The following TRPC7 variants were observed in gnomAD, a reference collection of about 807,000 sequenced individuals.
TRPC7 encodes short transient receptor potential channel 7.
A neutral mutation model predicts 90.1 loss-of-function variants in TRPC7; 42 were observed. That is an observed-to-expected ratio of 0.47 (90% confidence interval 0.36 to 0.60). The LOEUF (loss-of-function observed/expected upper bound fraction) is 0.60, where lower values mean the gene tolerates loss of function less well. Ranked by LOEUF, TRPC7 falls within the 20% of genes least tolerant of loss-of-function variation. The pLI, the probability that TRPC7 is intolerant of heterozygous loss-of-function variation, is 0.00. For synonymous variants in TRPC7, 451 were observed against 436.3 expected, an observed-to-expected ratio of 1.03 and a Z score of -0.42; for missense variants, 955 against 1,112.3, an observed-to-expected ratio of 0.86 and a Z score of 2.01.
chr5:136,318,526 G>T (rs997488378), intron 2 of TRPC7, among the ~76,000 whole-genome samples: 3 of 152,130 alleles, frequency 2.0e-5, no homozygotes, highest in Non-Finnish European at 4.4e-5. Context: ...TATTTAGCCT[G>T]TCTCACATCA....
At position 136,357,371 on chromosome 5, in the gene TRPC7, G is replaced by A; in HGVS notation, c.17C>T (p.Thr6Ile). The change falls in exon 2 of 12, where the codon ACC becomes ATC. Residue 6 changes from threonine to isoleucine, a missense_variant. Thr to Ile is a moderately conservative substitution (Grantham distance 89). Coordinates refer to ENST00000513104, the MANE Select transcript of TRPC7 (RefSeq NM_020389.3). MLRNSTFKNMQRRHTT... is the reference protein window; with the variant it reads MLRNSIFKNMQRRHTT... ...GTGCCGGCGCTGCATGTTTTTGAAGGTGCTGTTCCTCAACCTATGGGACAA... is the reference window on the plus strand; with the variant it reads ...GTGCCGGCGCTGCATGTTTTTGAAGATGCTGTTCCTCAACCTATGGGACAA... 2 of 1,598,302 alleles carry A rather than the reference G, an allele frequency of 1.3e-6. No homozygotes were observed. Among genetic ancestry groups the A allele is most frequent in the South Asian group, 1.1e-5 (1 of 90,798 alleles).
chr5:136,272,466 T>C (rs897347410), intron 4 of TRPC7, among the ~76,000 whole-genome samples: 5 of 152,228 alleles, frequency 3.3e-5, no homozygotes, highest in African/African-American at 1.2e-4. Context: ...TTATCTGTCC[T>C]TTGGCTGCCT....
At chr5:136,216,070 G>A in intron 11 of TRPC7, 130 bp downstream of exon 11, 2 of 723,316 alleles carry the variant, frequency 2.8e-6, no homozygotes, top group South Asian at 1.8e-5. Flanking sequence ...AATGAGCAAG[G>A]AGACTGAGCC....
chr5:136,248,129 C>T (rs1756403998), intron 6 of TRPC7, among the ~76,000 whole-genome samples: 1 of 152,208 alleles, frequency 6.6e-6, no homozygotes, highest in Non-Finnish European at 1.5e-5. Context: ...CTGTCTCCCT[C>T]ACCAGTGTTT....
chr5:136,284,042 G>A (rs912502635), intron 3 of TRPC7, among the ~76,000 whole-genome samples: 1 of 152,252 alleles, frequency 6.6e-6, no homozygotes, highest in African/African-American at 2.4e-5. Flanking sequence ...TGCCATCCAA[G>A]GCTTCAGTTT....
At chr5:136,353,619 A>G (rs1286625876) in intron 2 of TRPC7, among the ~76,000 whole-genome samples, 1 of 152,214 alleles carries the variant, frequency 6.6e-6, no homozygotes, top group Non-Finnish European at 1.5e-5. Context: ...TAATGTCAGG[A>G]ATGCACATAT....
chr5:136,278,006 AAAAT>A (rs1303209423), intron 3 of TRPC7, among the ~76,000 whole-genome samples: 1 of 152,154 alleles, frequency 6.6e-6, no homozygotes, highest in Non-Finnish European at 1.5e-5. Context: ...CTCTTAAGAG[AAAAT>A]AAATCAAACT....
intron 3 of TRPC7, among the ~76,000 whole-genome samples, chr5:136,312,554 A>AC (rs1266103321): frequency 6.6e-6 from 1 of 152,194 alleles, no homozygotes. Context: ...GGGGAATGAA[A>AC]CTCAGAGAGC....
chr5:136,227,338 G>T (rs1404134231), intron 8 of TRPC7, among the ~76,000 whole-genome samples: 1 of 152,170 alleles, frequency 6.6e-6, no homozygotes, highest in Non-Finnish European at 1.5e-5. Context: ...CTTTAGGCAG[G>T]TGTCTTGAGC....
chr5:136,247,486 T>C lies in TRPC7; in HGVS notation c.1829A>G (p.Asn610Ser). ...AGATACTCACGTTGTAAACGCTGGG[T>C]TGTATTTGGCACCTCGGTAGTAAGA... is the stretch of plus-strand genomic sequence containing the variant. ...LYSYYRGAKY[N>S]PAFTTVEESF... The change falls in exon 7 of 12, where the codon AAC becomes AGC. Residue 610 changes from asparagine (N) to serine (S), a missense_variant. Asn to Ser is a conservative substitution (Grantham distance 46). Coordinates refer to ENST00000513104, the MANE Select transcript of TRPC7 (RefSeq NM_020389.3). The surrounding 1 kb of genome is among the most constrained non-coding windows in gnomAD (Gnocchi z 4.2). 1 of 1,612,896 alleles carries C rather than the reference T, an allele frequency of 6.2e-7. No individual in the cohort carries two copies. Among genetic ancestry groups the C allele is most frequent in the Non-Finnish European group, 8.5e-7 (1 of 1,179,050 alleles).
intron 2 of TRPC7, among the ~76,000 whole-genome samples, chr5:136,327,214 C>T (rs567302844): frequency 7.4e-4 from 113 of 152,142 alleles, no homozygotes; most frequent in African/African-American, 2.6e-3. Context: ...ATAGAGTGAC[C>T]CAGTGTTGCA....
At chr5:136,216,516 T>TA (rs1244085492) in intron 10 of TRPC7, among the ~76,000 whole-genome samples, 7 of 152,126 alleles carry the variant, frequency 4.6e-5, no homozygotes, top group South Asian at 2.1e-4. Flanking sequence ...GAATACTTCT[T>TA]AATGGCAGGA....
chr5:136,227,718 G>A (rs1295852970), intron 8 of TRPC7, among the ~76,000 whole-genome samples: 1 of 152,220 alleles, frequency 6.6e-6, no homozygotes, highest in Non-Finnish European at 1.5e-5. Context: ...CATGGGTTCT[G>A]CAGCCTGTGT....
intron 3 of TRPC7, among the ~76,000 whole-genome samples, chr5:136,278,678 G>A (rs1757447791): frequency 6.6e-6 from 1 of 152,172 alleles, no homozygotes; most frequent in Non-Finnish European, 1.5e-5. Context: ...AAAGAGCCAA[G>A]GAGGGAGGCA....
At chr5:136,279,425 G>A (rs1290532078) in intron 3 of TRPC7, among the ~76,000 whole-genome samples, 1 of 152,184 alleles carries the variant, frequency 6.6e-6, no homozygotes, top group Non-Finnish European at 1.5e-5. Context: ...CTGAGTGCGG[G>A]GGTGAAGGCA....
chr5:136,342,550 C>T (rs941113768), intron 2 of TRPC7, among the ~76,000 whole-genome samples: 1 of 152,180 alleles, frequency 6.6e-6, no homozygotes, highest in South Asian at 2.1e-4. Context: ...CACCTTATCC[C>T]ATCTCCTGCA....
At chr5:136,227,402 G>A (rs547315483) in intron 8 of TRPC7, among the ~76,000 whole-genome samples, 24 of 152,306 alleles carry the variant, frequency 1.6e-4, no homozygotes, top group African/African-American at 5.3e-4. Context: ...TAGTGCATGT[G>A]TGCTCCCTGA....
intron 5 of TRPC7, among the ~76,000 whole-genome samples, chr5:136,262,456 C>T (rs1269427386): frequency 6.6e-6 from 1 of 152,166 alleles, no homozygotes. Context: ...CTTACCTGCT[C>T]AACTACTCTG....
intron 3 of TRPC7, among the ~76,000 whole-genome samples, chr5:136,285,130 G>A (rs1757668669): frequency 6.6e-6 from 1 of 152,178 alleles, no homozygotes; most frequent in Non-Finnish European, 1.5e-5. Flanking sequence ...AGGGTGGCTG[G>A]ACCATTGAGG....
Sources: allele counts gnomAD v4.1 joint callset (sites outside exome capture counted in the v4.1 genomes callset), GRCh38; gene constraint gnomAD v4.1.1; non-coding constraint Gnocchi (gnomAD v3.1); transcripts MANE v1.5; gene names NCBI Gene and HGNC (gene_info 2026-07-23, HGNC 2026-07-21).